The following ZNF697 variants were observed in gnomAD, a reference collection of about 807,000 sequenced individuals.
The protein encoded by ZNF697 is zinc finger protein 697.
In ZNF697, 23 loss-of-function variants were observed where a neutral mutation model predicts 32.4. That is an observed-to-expected ratio of 0.71 (90% CI 0.51 to 1.01). The LOEUF (loss-of-function observed/expected upper bound fraction) is 1.01. Ranked by LOEUF, ZNF697 falls within the 50% of genes least tolerant of loss-of-function variation. The pLI is 0.00. For synonymous variants in ZNF697, 418 were observed against 337.2 expected, an observed-to-expected ratio of 1.24 and a Z score of -2.62; for missense variants, 930 against 794.0, an observed-to-expected ratio of 1.17 and a Z score of -2.06.
intron 1 of ZNF697, among the ~76,000 whole-genome samples, chr1:119,630,496 C>G (rs1648729991): frequency 2.0e-5 from 3 of 152,182 alleles, no homozygotes; most frequent in Admixed American, 6.5e-5. Context: ...TGTCTCTTTC[C>G]CCTACCCCAA....
At chr1:119,630,252 T>G (rs1380326481) in intron 1 of ZNF697, among the ~76,000 whole-genome samples, 1 of 152,242 alleles carries the variant, frequency 6.6e-6, no homozygotes, top group African/African-American at 2.4e-5. Context: ...CTGAGTCCTC[T>G]TCAAGCTTGT....
chr1:119,646,030 G>C (rs754662543), intron 1 of ZNF697, among the ~76,000 whole-genome samples: 2 of 152,154 alleles, frequency 1.3e-5, no homozygotes, highest in East Asian at 3.9e-4. Flanking sequence ...GTGGGGGAGG[G>C]AGAGGAAATG....
chr1:119,628,553 C>A (rs1648667957), intron 1 of ZNF697, among the ~76,000 whole-genome samples: 1 of 152,136 alleles, frequency 6.6e-6, no homozygotes, highest in Non-Finnish European at 1.5e-5. Context: ...AGTTCCTGAT[C>A]CTTATTTTCA....
At chr1:119,626,207 T>C (rs1401520890) in intron 1 of ZNF697, 70 bp from the exon 2 acceptor site, 3 of 1,519,430 alleles carry the variant, frequency 2.0e-6, no homozygotes, top group African/African-American at 1.4e-5. Context: ...CCAGCCTTAA[T>C]TTCCAATTCT....
intron 1 of ZNF697, among the ~76,000 whole-genome samples, chr1:119,630,020 C>T (rs1425392003): frequency 2.0e-5 from 3 of 152,328 alleles, no homozygotes; most frequent in Non-Finnish European, 1.5e-5. Flanking sequence ...CCCTAACGTA[C>T]ACCATCTGTA....
At chr1:119,625,170 C>T (rs927616109) in intron 2 of ZNF697, among the ~76,000 whole-genome samples, 1 of 152,044 alleles carries the variant, frequency 6.6e-6, no homozygotes, top group East Asian at 1.9e-4. Flanking sequence ...CTGTGCACTG[C>T]GGAGGAGGGC....
At position 119,621,643 on chromosome 1, in the gene ZNF697, C is replaced by T. The variant is rs1348176232; in HGVS notation, c.*1062G>A. 6.6e-6 allele frequency: 1 copy of T among 152,382 alleles called. No homozygotes were observed. Among genetic ancestry groups the T allele is most frequent in the Admixed American group, 6.5e-5 (1 of 15,270 alleles). 9.4% of individuals were successfully genotyped at this position (152,382 alleles called of 1,614,324 possible). ...AGTGGGGGTTAGTGGAGGTCACTAA[C>T]AAATGCAAAGTGAAGGCAAATGAGA... On this transcript the variant is annotated 3_prime_UTR_variant, in exon 3 of 3. Coordinates refer to ENST00000421812, the MANE Select transcript of ZNF697 (RefSeq NM_001080470.2).
At chr1:119,639,226 A>G (rs1224923692) in intron 1 of ZNF697, among the ~76,000 whole-genome samples, 1 of 152,100 alleles carries the variant, frequency 6.6e-6, no homozygotes, top group Non-Finnish European at 1.5e-5. Context: ...ATCAGTTGCC[A>G]TGTTCTTTTC....
In ZNF697 at chr1:119,623,971, A is replaced by T. The variant is rs772380695; in HGVS notation, c.372T>A (p.Ala124=). 10 of 1,608,942 alleles carry T rather than the reference A, an allele frequency of 6.2e-6. No homozygotes were observed. The highest frequency in any genetic ancestry group is 1.6e-4 in the Middle Eastern group (1 of 6,074). The change falls in exon 3 of 3, where the codon GCT becomes GCA. Residue 124 remains alanine (A), a synonymous_variant. Transcript: ENST00000421812. ...RSLREDDDES[A]GENRLEEEEE... ...CTTCCTCCTCCAGCCGGTTCTCCCC[A>T]GCACTCTCGTCGTCGTCCTCCCGGA...
Position 119,648,202 on chromosome 1 carries a change from T to TTGGCTGGCTGGCTGGCTGGG in ZNF697, c.-550_-549insCCCAGCCAGCCAGCCAGCCA, listed in dbSNP as rs1649272427. 6.7e-6 allele frequency among the ~76,000 whole-genome samples: 1 copy of TTGGCTGGCTGGCTGGCTGGG among 150,298 alleles called. No homozygotes were observed. Among genetic ancestry groups the TTGGCTGGCTGGCTGGCTGGG allele is most frequent in the Non-Finnish European group, 1.5e-5 (1 of 67,328 alleles). On this transcript the variant is annotated 5_prime_UTR_variant, in exon 1 of 3. Coordinates refer to ENST00000421812, the MANE Select transcript of ZNF697 (RefSeq NM_001080470.2). ...GCTGGGTGGCCCGCTGGCTGGCTGG[T>TTGGCTGGCTGGCTGGCTGGG]TGGCTGGCTGGCTGGCTGGCTGGCT...
At chr1:119,626,520 A>C (rs1252076595) in intron 1 of ZNF697, among the ~76,000 whole-genome samples, 1 of 152,232 alleles carries the variant, frequency 6.6e-6, no homozygotes. Flanking sequence ...ACTTATAAGC[A>C]GTAGAGTGGG....
chr1:119,631,098 C>A (rs994315595), intron 1 of ZNF697, among the ~76,000 whole-genome samples: 8 of 152,200 alleles, frequency 5.3e-5, no homozygotes, highest in Non-Finnish European at 8.8e-5. Context: ...GTACACAACT[C>A]CCCCACCAAC....
Position 119,619,666 on chromosome 1 carries a change from T to C in ZNF697, c.*3039A>G, listed in dbSNP as rs1249864444. 4 of 152,652 alleles carry C rather than the reference T, an allele frequency of 2.6e-5. No individual in the cohort carries two copies. Among genetic ancestry groups the C allele is most frequent in the East Asian group, 3.8e-4 (2 of 5,204 alleles). 9.5% of individuals were successfully genotyped at this position (152,652 alleles called of 1,614,324 possible). A position where few individuals can be genotyped will look rare whatever the true frequency, so the allele number is the denominator to read the frequency against. Reference sequence around the variant, plus strand: ...ACAAACTTCAGAAACACAGTTTAGATTGTCTATGAACACAGGTCCTTAATT... The same window carrying C: ...ACAAACTTCAGAAACACAGTTTAGACTGTCTATGAACACAGGTCCTTAATT... On this transcript the variant is annotated 3_prime_UTR_variant, in exon 3 of 3. Coordinates refer to ENST00000421812, the MANE Select transcript of ZNF697 (RefSeq NM_001080470.2).
rs186045920 is a variant in ZNF697, at chr1:119,642,546, A to G, written c.-38+5145T>C. Among the ~76,000 whole-genome samples, 78 of 152,262 alleles carry G rather than the reference A, an allele frequency of 5.1e-4. 1 individual carries two copies. Among genetic ancestry groups the G allele is most frequent in the Admixed American group, 4.8e-3 (74 of 15,284 alleles). ...CTAAAATATTTTTGAAATTTTATAT[A>G]TATATGTACATAATGTACATATATG... On this transcript the variant is annotated intron_variant, in intron 1 of 2. Transcript: ENST00000421812.
intron 1 of ZNF697, among the ~76,000 whole-genome samples, chr1:119,640,304 A>G (rs1649032934): frequency 6.6e-6 from 1 of 152,246 alleles, no homozygotes; most frequent in African/African-American, 2.4e-5. Context: ...GAAGACCTAA[A>G]AAGACTAGGA....
rs139590936 is a variant in ZNF697, at chr1:119,647,382, G to A, written c.-38+309C>T. Among the ~76,000 whole-genome samples the A allele has an allele frequency of 1.8e-3, 274 of 152,242 alleles. 1 individual carries two copies. The highest frequency in any genetic ancestry group is 3.2e-3 in the Admixed American group (49 of 15,298). On this transcript the variant is annotated intron_variant, in intron 1 of 2. Transcript: ENST00000421812. ...ACACGTGTGGTTGGAATGCCTCCCG[G>A]GGCTAGACGGCCACCCCTCTTGGGC...
chr1:119,619,649 CAGAA>C lies in ZNF697; in HGVS notation c.*3052_*3055del, dbSNP rs1557930656. The C allele has an allele frequency of 6.6e-6, 1 of 152,632 alleles. No homozygotes were observed. The highest frequency in any genetic ancestry group is 1.5e-5 in the Non-Finnish European group (1 of 68,034). The allele number at this position is 152,632 out of a possible 1,614,324, so 9.5% of individuals were successfully genotyped here. A position where few individuals can be genotyped will look rare whatever the true frequency, so the allele number is the denominator to read the frequency against. On this transcript the variant is annotated 3_prime_UTR_variant, in exon 3 of 3. Transcript: ENST00000421812. ...AGTGAAGAAAAATGTGCACAAACTT[CAGAA>C]ACACAGTTTAGATTGTCTATGAACA...
intron 1 of ZNF697, among the ~76,000 whole-genome samples, chr1:119,634,308 G>A (rs1340094191): frequency 1.3e-5 from 2 of 152,150 alleles, no homozygotes; most frequent in Non-Finnish European, 2.9e-5. Flanking sequence ...CAAAACAACC[G>A]CTCTTCTAAT....
chr1:119,626,276 T>TA (rs1219411244), intron 1 of ZNF697, 139 bp from the exon 2 acceptor site: 18 of 1,191,264 alleles, frequency 1.5e-5, no homozygotes, highest in South Asian at 8.1e-5. Flanking sequence ...CTCCACATTT[T>TA]AAAGTAAACA....
Sources: gnomAD v4.1 joint callset for allele counts (sites outside exome capture counted in the v4.1 genomes callset) on GRCh38, gnomAD v4.1.1 for gene constraint, MANE v1.5 for transcripts, NCBI Gene and HGNC (gene_info 2026-07-23, HGNC 2026-07-21) for gene names.